The following AKT3 variants were observed in gnomAD, a reference collection of about 807,000 sequenced individuals.
The protein encoded by AKT3 is AKT serine/threonine kinase 3.
Under a neutral mutation model 65.3 loss-of-function variants are expected in AKT3, and 15 were observed. The observed-to-expected ratio is 0.23, with a 90% confidence interval of 0.15 to 0.35. The LOEUF (loss-of-function observed/expected upper bound fraction) is 0.35. AKT3 is among the 10% of genes least tolerant of loss of function. AKT3 has a pLI of 1.00. For synonymous variants in AKT3, 206 were observed against 183.8 expected (o/e 1.12, Z -0.98); for missense variants, 243 against 576.5 (o/e 0.42, Z 5.92).
intron 12 of AKT3, among the ~76,000 whole-genome samples, chr1:243,538,164 G>T (rs1398930590): frequency 1.3e-5 from 2 of 152,118 alleles, no homozygotes; most frequent in East Asian, 3.8e-4. Flanking sequence ...AAAGTAAACT[G>T]TAAGAAAATA....
At chr1:243,704,440 A>G (rs1392228456) in intron 2 of AKT3, among the ~76,000 whole-genome samples, 1 of 152,178 alleles carries the variant, frequency 6.6e-6, no homozygotes, top group African/African-American at 2.4e-5. Flanking sequence ...GAGTTGACTA[A>G]TTAAAATTTT....
At chr1:243,766,468 G>A (rs969561508) in intron 2 of AKT3, among the ~76,000 whole-genome samples, 36 of 152,280 alleles carry the variant, frequency 2.4e-4, no homozygotes, top group Admixed American at 1.4e-3. Context: ...ACAATGTTCT[G>A]CCAGGGAAAG....
rs192357626 is a variant in AKT3, at chr1:243,646,654, C to T, written c.285-617G>A. Among the ~76,000 whole-genome samples the T allele has an allele frequency of 9.2e-5, 14 of 152,202 alleles. No individual in the cohort carries two copies. The East Asian group carries it at 2.5e-3, about 27-fold the overall frequency. The stretch of plus-strand genomic sequence containing the variant: ...ACAGCCATGAACCACCGCACTTGGC[C>T]AATCCTAACTATTAAGTTGACCCCC... On this transcript the variant is annotated intron_variant, in intron 4 of 13. Coordinates refer to ENST00000673466, the MANE Select transcript of AKT3 (RefSeq NM_005465.7).
chr1:243,678,019 C>T (rs952252007), intron 3 of AKT3, among the ~76,000 whole-genome samples: 1 of 151,872 alleles, frequency 6.6e-6, no homozygotes, highest in Admixed American at 6.6e-5. Context: ...ATCTGGGAGG[C>T]GGAGGTTGCA....
At chr1:243,803,644 GTA>G (rs1491581724) in intron 2 of AKT3, among the ~76,000 whole-genome samples, 26 of 87,838 alleles carry the variant, frequency 3.0e-4, no homozygotes, top group African/African-American at 1.1e-3. Context: ...AGACGTACAT[GTA>G]CACACACACA....
intron 2 of AKT3, among the ~76,000 whole-genome samples, chr1:243,828,498 T>G (rs531871655): frequency 7.2e-5 from 11 of 152,284 alleles, no homozygotes; most frequent in South Asian, 2.1e-4. Context: ...TGGATTTGCT[T>G]CTTCTGCCTC....
At chr1:243,521,041 A>AC (rs915064446) in intron 12 of AKT3, among the ~76,000 whole-genome samples, 1 of 152,158 alleles carries the variant, frequency 6.6e-6, no homozygotes, top group Non-Finnish European at 1.5e-5. Context: ...GATTCCACAG[A>AC]CCTTTTTTAG....
rs1422015137 is a variant in AKT3, at chr1:243,750,408, T to C, written c.47-54692A>G. 3.3e-5 allele frequency among the ~76,000 whole-genome samples: 5 copies of C among 149,396 alleles called. No homozygotes were observed. The East Asian group carries it at 7.9e-4, about 24-fold the overall frequency. On this transcript the variant is annotated intron_variant, in intron 2 of 13. Coordinates refer to ENST00000673466, the MANE Select transcript of AKT3 (RefSeq NM_005465.7). ...CTCCCCTCTCACATGCATGCACGTA[T>C]ACACACACACACACACACACACACA...
chr1:243,658,804 T>C (rs1391122268), intron 4 of AKT3, among the ~76,000 whole-genome samples: 1 of 142,340 alleles, frequency 7.0e-6, no homozygotes, highest in African/African-American at 2.7e-5. Context: ...GAGGGAGGAG[T>C]ATTGCTTGAG....
In AKT3 at chr1:243,648,150, C is replaced by T. The variant is rs538220496; in HGVS notation, c.285-2113G>A. On this transcript the variant is annotated intron_variant, in intron 4 of 13. Coordinates refer to ENST00000673466, the MANE Select transcript of AKT3 (RefSeq NM_005465.7). ...GCAGGAGCCTGTAATCCCAGCTACT[C>T]GGGAGACTGAGACATGAGAATCACT... is the stretch of plus-strand genomic sequence containing the variant. 3.9e-3 allele frequency among the ~76,000 whole-genome samples: 595 copies of T among 151,526 alleles called. 3 individuals carry two copies. Among genetic ancestry groups the T allele is most frequent in the African/African-American group, 0.014 (571 of 41,334 alleles).
At chr1:243,762,761 A>C (rs1484365084) in intron 2 of AKT3, among the ~76,000 whole-genome samples, 1 of 152,086 alleles carries the variant, frequency 6.6e-6, no homozygotes, top group South Asian at 2.1e-4. Flanking sequence ...ACTGTTCCAG[A>C]AACATTTCTA....
chr1:243,718,970 C>A lies in AKT3; in HGVS notation c.47-23254G>T, dbSNP rs2148106371. Among the ~76,000 whole-genome samples the A allele has an allele frequency of 2.0e-5, 3 of 152,236 alleles. No homozygotes were observed. In the South Asian group the frequency reaches 6.2e-4, roughly 32 times the overall value. Reference sequence around the variant, plus strand: ...ATCCAATTATTTTCATGGGATAAGTCATTCCCTAAGGGGATAATTCCCTTA... The same window carrying A: ...ATCCAATTATTTTCATGGGATAAGTAATTCCCTAAGGGGATAATTCCCTTA... On this transcript the variant is annotated intron_variant, in intron 2 of 13. Coordinates refer to ENST00000673466, the MANE Select transcript of AKT3 (RefSeq NM_005465.7).
At chr1:243,732,105 G>T (rs1198133925) in intron 2 of AKT3, among the ~76,000 whole-genome samples, 3 of 152,044 alleles carry the variant, frequency 2.0e-5, no homozygotes, top group Non-Finnish European at 4.4e-5. Context: ...ATGGACAACA[G>T]TGAGATCATG....
intron 5 of AKT3, among the ~76,000 whole-genome samples, chr1:243,640,546 T>C (rs566258576): frequency 6.6e-6 from 1 of 152,342 alleles, no homozygotes; most frequent in Admixed American, 6.5e-5. Context: ...GCTCTAATGC[T>C]GTCAGTTAGT....
chr1:243,631,352 C>T (rs934608649), intron 6 of AKT3, among the ~76,000 whole-genome samples: 2 of 152,132 alleles, frequency 1.3e-5, no homozygotes, highest in Non-Finnish European at 2.9e-5. Flanking sequence ...TGCTCTGGCA[C>T]CCAGGCTGGA....
rs545605312 is a variant in AKT3 at position 243,845,380 on chromosome 1, G to A, written c.-112-2098C>T. Among the ~76,000 whole-genome samples, 3 of 150,792 alleles carry A rather than the reference G, an allele frequency of 2.0e-5. No individual in the cohort carries two copies. In the South Asian group the frequency reaches 6.4e-4, roughly 32 times the overall value. On this transcript the variant is annotated intron_variant, in intron 1 of 13. Transcript: ENST00000673466. ...GCACTTTGGGAGGCCAGGGCAGGAG[G>A]ATCACTTATGTCCAGGAGTTCAAGG... is the stretch of plus-strand genomic sequence containing the variant.
At chr1:243,606,421 G>C (rs1308316727) in intron 8 of AKT3, among the ~76,000 whole-genome samples, 1 of 152,174 alleles carries the variant, frequency 6.6e-6, no homozygotes, top group African/African-American at 2.4e-5. Flanking sequence ...ACTGGTAAGT[G>C]GAGTAAAGGT....
chr1:243,810,277 A>T (rs1275690568), intron 2 of AKT3, among the ~76,000 whole-genome samples: 1 of 151,792 alleles, frequency 6.6e-6, no homozygotes, highest in Non-Finnish European at 1.5e-5. Context: ...TTAGACCACT[A>T]GCAAGACTAA....
chr1:243,594,026 A>G (rs1213473101), intron 8 of AKT3, among the ~76,000 whole-genome samples: 1 of 152,240 alleles, frequency 6.6e-6, no homozygotes, highest in Non-Finnish European at 1.5e-5. Context: ...ATTTACAAAG[A>G]GCAAGACTAT....
Sources: allele counts gnomAD v4.1 joint callset (sites outside exome capture counted in the v4.1 genomes callset), GRCh38; gene constraint gnomAD v4.1.1; transcripts MANE v1.5; gene names NCBI Gene and HGNC (gene_info 2026-07-23, HGNC 2026-07-21).